Variants in KIF21A observed in about 807,000 individuals in gnomAD.
KIF21A encodes kinesin family member 21A.
In KIF21A, 114 loss-of-function variants were observed where a neutral mutation model predicts 202.9. The ratio of observed to expected loss-of-function variants is 0.56; its 90% CI spans 0.48 to 0.66. KIF21A has a LOEUF of 0.66. Among genes scored for constraint, KIF21A ranks in the 30% least tolerant of loss-of-function variants. The pLI is 0.00. For synonymous variants in KIF21A, 667 were observed against 670.8 expected (o/e 0.99, Z 0.09); for missense variants, 1,677 against 1,994.9 (o/e 0.84, Z 3.04).
At chr12:39,325,747 CTAT>C (rs1436751048) in intron 26 of KIF21A, 89 bp downstream of exon 26, 8 of 882,860 alleles carry the variant, frequency 9.1e-6, no homozygotes, top group Non-Finnish European at 1.5e-5. Flanking sequence ...TCTTGCTAAT[CTAT>C]TAAGAGTCAA....
At chr12:39,332,844 G>A in intron 19 of KIF21A, 49 bp downstream of exon 19, 1 of 1,605,466 alleles carries the variant, frequency 6.2e-7, no homozygotes. Context: ...ACAACATTCA[G>A]TATTAACGGC....
intron 1 of KIF21A, among the ~76,000 whole-genome samples, chr12:39,379,548 T>C (rs1245173621): frequency 6.6e-6 from 1 of 152,172 alleles, no homozygotes; most frequent in Non-Finnish European, 1.5e-5. Flanking sequence ...ATCTTCAACT[T>C]ACCCTGTACC....
intron 1 of KIF21A, among the ~76,000 whole-genome samples, chr12:39,413,724 T>C (rs1385419927): frequency 6.6e-6 from 1 of 152,142 alleles, no homozygotes; most frequent in African/African-American, 2.4e-5. Context: ...CAGTACACTA[T>C]GATTGTGCCA....
chr12:39,394,996 T>C (rs758486458), intron 1 of KIF21A, among the ~76,000 whole-genome samples: 1 of 152,170 alleles, frequency 6.6e-6, no homozygotes, highest in Non-Finnish European at 1.5e-5. Flanking sequence ...ATTATGAAGA[T>C]CTCATTGTGT....
intron 37 of KIF21A, among the ~76,000 whole-genome samples, chr12:39,297,573 T>C (rs1166410799): frequency 9.7e-6 from 1 of 103,428 alleles, no homozygotes; most frequent in East Asian, 3.3e-4. Context: ...AACATCACAC[T>C]CTGGGGACTG....
At chr12:39,346,571 C>A (rs532090445) in intron 11 of KIF21A, 67 bp from the exon 12 acceptor site, 1 of 1,125,578 alleles carries the variant, frequency 8.9e-7, no homozygotes, top group Non-Finnish European at 1.2e-6. Flanking sequence ...CAGTAAAAAG[C>A]GAAAGTGATA....
chr12:39,333,458 T>A (rs957936325), intron 17 of KIF21A, among the ~76,000 whole-genome samples, 178 bp from the exon 18 acceptor site: 4 of 152,156 alleles, frequency 2.6e-5, no homozygotes, highest in African/African-American at 4.8e-5. Flanking sequence ...CAAACACAAA[T>A]AAATACAGAT....
At chr12:39,326,190 A>T in intron 25 of KIF21A, 74 bp downstream of exon 25, 2 of 1,124,110 alleles carry the variant, frequency 1.8e-6, no homozygotes, top group South Asian at 2.5e-5. Flanking sequence ...TTTTATGGTA[A>T]TTGTTTGATA....
In KIF21A at chr12:39,343,317, G is replaced by A. The variant is rs185124194; in HGVS notation, c.1713-1193C>T. 2.4e-4 allele frequency among the ~76,000 whole-genome samples: 36 copies of A among 151,978 alleles called. 1 individual carries two copies. The highest frequency in any genetic ancestry group is 3.9e-4 in the Admixed American group (6 of 15,266). ...AGAGGTTGCAGTAAGGCAAGATTGC[G>A]CCACTGCACTCTAGCCCGGGCAACA... On this transcript the variant is annotated intron_variant, in intron 12 of 37. Coordinates refer to ENST00000361418, the MANE Select transcript of KIF21A (RefSeq NM_001173464.2).
intron 1 of KIF21A, among the ~76,000 whole-genome samples, chr12:39,395,414 T>C (rs1457064544): frequency 6.9e-6 from 1 of 144,136 alleles, no homozygotes; most frequent in African/African-American, 2.5e-5. Flanking sequence ...GTTAGGCCAA[T>C]CCTCATCTCC....
chr12:39,320,672 C>T (rs1354033513), intron 27 of KIF21A, among the ~76,000 whole-genome samples: 1 of 149,808 alleles, frequency 6.7e-6, no homozygotes, highest in African/African-American at 2.5e-5. Context: ...TGGTGGCTCA[C>T]ACCTGTAATC....
chr12:39,439,472 C>CTA lies in KIF21A; in HGVS notation c.44+3454_44+3455insTA, dbSNP rs113855849. ...ATTACACTTACAGTTCTAGTCAATA[C>CTA]GTACACTAAATTTTCATCAGAAATA... On this transcript the variant is annotated intron_variant, in intron 1 of 37. Transcript: ENST00000361418. Among the ~76,000 whole-genome samples, 403 of 152,220 alleles carry CTA rather than the reference C, an allele frequency of 2.6e-3. 3 individuals carry two copies. The highest frequency in any genetic ancestry group is 8.9e-3 in the African/African-American group (369 of 41,552).
chr12:39,332,472 A>ATGGCC, intron 20 of KIF21A, 64 bp from the exon 21 acceptor site: 3 of 1,338,176 alleles, frequency 2.2e-6, no homozygotes, highest in South Asian at 1.2e-5. Flanking sequence ...AGTACCATCA[A>ATGGCC]ACCCCCCCAC....
chr12:39,336,357 C>T (rs898651030), intron 17 of KIF21A, among the ~76,000 whole-genome samples: 7 of 152,098 alleles, frequency 4.6e-5, no homozygotes, highest in African/African-American at 7.2e-5. Flanking sequence ...ACAATTAGCA[C>T]GTTGAGATGT....
chr12:39,315,977 TGAAA>T lies in KIF21A; in HGVS notation c.3909-11_3909-8del. The T allele has an allele frequency of 6.3e-7, 1 of 1,592,802 alleles. No homozygotes were observed. The highest frequency in any genetic ancestry group is 8.6e-7 in the Non-Finnish European group (1 of 1,161,396). On this transcript the variant is annotated splice_region_variant and splice_polypyrimidine_tract_variant and intron_variant, in intron 29 of 37. Transcript: ENST00000361418. Reference sequence around the variant, plus strand: ...GGAGTCACTTTCATCAGACCTATAGTGAAAGAGTTAGAATTATGAGAGAAAGAAT... The same window carrying T: ...GGAGTCACTTTCATCAGACCTATAGTGAGTTAGAATTATGAGAGAAAGAAT...
intron 37 of KIF21A, among the ~76,000 whole-genome samples, chr12:39,298,475 A>G (rs1942632402): frequency 6.6e-6 from 1 of 151,938 alleles, no homozygotes; most frequent in Admixed American, 6.5e-5. Flanking sequence ...TCTGACCGGT[A>G]TAGTAGAGAG....
chr12:39,335,084 A>G (rs1946844428), intron 17 of KIF21A, among the ~76,000 whole-genome samples: 1 of 152,186 alleles, frequency 6.6e-6, no homozygotes, highest in Non-Finnish European at 1.5e-5. Context: ...AAGTGCTGAT[A>G]CATGTTATAA....
intron 10 of KIF21A, 73 bp from the exon 11 acceptor site, chr12:39,352,053 C>A: frequency 9.4e-7 from 1 of 1,059,198 alleles, no homozygotes; most frequent in Non-Finnish European, 1.5e-6. Flanking sequence ...TAAAGTGTAC[C>A]ACACTACCAT....
chr12:39,381,138 T>C (rs911193136), intron 1 of KIF21A, among the ~76,000 whole-genome samples: 7 of 151,778 alleles, frequency 4.6e-5, no homozygotes, highest in African/African-American at 1.7e-4. Context: ...ACCCCGTCTC[T>C]ACTAAAAAAA....
Sources: gnomAD v4.1 joint callset for allele counts (sites outside exome capture counted in the v4.1 genomes callset) on GRCh38, gnomAD v4.1.1 for gene constraint, MANE v1.5 for transcripts, NCBI Gene and HGNC (gene_info 2026-07-23, HGNC 2026-07-21) for gene names.